The following PLCG2 variants were observed in gnomAD, a reference collection of about 807,000 sequenced individuals.
PLCG2 encodes the protein 1-phosphatidylinositol 4,5-bisphosphate phosphodiesterase gamma-2.
Under a neutral mutation model 175.6 loss-of-function variants are expected in PLCG2, and 69 were observed. The ratio of observed to expected loss-of-function variants is 0.39; its 90% CI spans 0.32 to 0.48. The LOEUF (loss-of-function observed/expected upper bound fraction) is 0.48. PLCG2 is among the 20% of genes least tolerant of loss of function. The pLI, the probability that PLCG2 is intolerant of heterozygous loss-of-function variation, is 0.91. For missense variants in PLCG2, 1,798 were observed against 1,650.9 expected (o/e 1.09, Z -1.54); for synonymous variants, 827 against 624.0 (o/e 1.33, Z -4.85).
chr16:81,849,533 C>T (rs1002656571), intron 2 of PLCG2, among the ~76,000 whole-genome samples: 8 of 152,182 alleles, frequency 5.3e-5, no homozygotes, highest in Admixed American at 6.5e-5. Flanking sequence ...CCGAGACAGG[C>T]GGATCACCTG....
In PLCG2 at chr16:81,960,012, C is replaced by T. The variant is rs895356003; in HGVS notation, c.*2014C>T. ...AGGAAGCAGAAGCTAAGCCTCTCTC[C>T]AGCTGCTGCTGTGTAAAATCCATGC... is the stretch of plus-strand genomic sequence containing the variant. On this transcript the variant is annotated 3_prime_UTR_variant, in exon 33 of 33. Coordinates refer to ENST00000564138, the MANE Select transcript of PLCG2 (RefSeq NM_002661.5). 2 of 214,836 alleles carry T rather than the reference C, an allele frequency of 9.3e-6. No individual in the cohort carries two copies. The highest frequency in any genetic ancestry group is 1.4e-3 in the Middle Eastern group (1 of 710). 13.3% of individuals were successfully genotyped at this position (214,836 alleles called of 1,614,324 possible).
intron 3 of PLCG2, among the ~76,000 whole-genome samples, chr16:81,856,718 G>A (rs1906704106): frequency 6.6e-6 from 1 of 152,184 alleles, no homozygotes; most frequent in Admixed American, 6.5e-5. Context: ...CTCCCACGAT[G>A]CCCATGTCCT....
At chr16:81,821,033 A>G (rs1904775306) in intron 2 of PLCG2, among the ~76,000 whole-genome samples, 1 of 152,054 alleles carries the variant, frequency 6.6e-6, no homozygotes, top group Non-Finnish European at 1.5e-5. Flanking sequence ...CTGGGATTAC[A>G]GGTGCACACC....
chr16:81,855,895 G>C (rs1475827092), intron 3 of PLCG2, among the ~76,000 whole-genome samples: 2 of 152,152 alleles, frequency 1.3e-5, no homozygotes, highest in Non-Finnish European at 2.9e-5. Context: ...GGGGGAGTTG[G>C]TAGAGATGGG....
rs1355223267 is a variant in PLCG2 at position 81,928,640 on chromosome 16, A to G, written c.2581+16A>G. 6.4e-7 allele frequency: 1 copy of G among 1,570,056 alleles called. No homozygotes were observed. Among genetic ancestry groups the G allele is most frequent in the Non-Finnish European group, 8.8e-7 (1 of 1,139,938 alleles). ...TATAACGTCGGTACGTGCACACATC[A>G]TCTTAGCCTGGATTTCCACCCCTAT... is the stretch of plus-strand genomic sequence containing the variant. On this transcript the variant is annotated intron_variant, in intron 24 of 32. Coordinates refer to ENST00000564138, the MANE Select transcript of PLCG2 (RefSeq NM_002661.5).
At chr16:81,865,839 G>T (rs535557819) in intron 5 of PLCG2, among the ~76,000 whole-genome samples, 5 of 133,996 alleles carry the variant, frequency 3.7e-5, no homozygotes, top group East Asian at 2.2e-4. Flanking sequence ...CCTCTCCCTT[G>T]CTCCCAGGGT....
intron 2 of PLCG2, among the ~76,000 whole-genome samples, chr16:81,813,235 G>C: frequency 6.6e-6 from 1 of 152,134 alleles, no homozygotes; most frequent in Non-Finnish European, 1.5e-5. Context: ...GATGGGAATA[G>C]CATTGAATCT....
In PLCG2 at chr16:81,824,360, C is replaced by G. The variant is rs1486627068; in HGVS notation, c.194-30084C>G. On this transcript the variant is annotated intron_variant, in intron 2 of 32. Coordinates refer to ENST00000564138, the MANE Select transcript of PLCG2 (RefSeq NM_002661.5). ...CGTTGGCCAGGCTGGTCTTGAACTC[C>G]TGATCTTAAGTAATCCACCCACCTC... Among the ~76,000 whole-genome samples, 3 of 152,162 alleles carry G rather than the reference C, an allele frequency of 2.0e-5. No individual in the cohort carries two copies. The East Asian group carries it at 5.8e-4, about 29-fold the overall frequency.
intron 22 of PLCG2, among the ~76,000 whole-genome samples, chr16:81,923,925 A>C (rs577614005): frequency 6.6e-6 from 1 of 152,322 alleles, no homozygotes; most frequent in African/African-American, 2.4e-5. Flanking sequence ...ATCTTCAACC[A>C]AATCTTCATT....
At chr16:81,742,872 C>T (rs1050208573) in intron 1 of PLCG2, among the ~76,000 whole-genome samples, 6 of 152,210 alleles carry the variant, frequency 3.9e-5, no homozygotes, top group Non-Finnish European at 5.9e-5. Context: ...ATTGGTCCCG[C>T]TCCTCTTGTT....
intron 1 of PLCG2, among the ~76,000 whole-genome samples, chr16:81,746,973 G>T (rs1909719589): frequency 6.6e-6 from 1 of 152,128 alleles, no homozygotes; most frequent in African/African-American, 2.4e-5. Context: ...AGGAAATCTT[G>T]TCACATAAAG....
chr16:81,881,981 C>T (rs1908103460), intron 8 of PLCG2, among the ~76,000 whole-genome samples: 1 of 152,266 alleles, frequency 6.6e-6, no homozygotes, highest in Non-Finnish European at 1.5e-5. Flanking sequence ...TTAATGAAAA[C>T]TTAGTGTTAG....
At chr16:81,798,190 A>G (rs536931613) in intron 2 of PLCG2, among the ~76,000 whole-genome samples, 2 of 152,282 alleles carry the variant, frequency 1.3e-5, no homozygotes, top group South Asian at 4.1e-4. Flanking sequence ...CCATCAGATC[A>G]CTGGGAGGAT....
chr16:81,946,172 C>T lies in PLCG2; in HGVS notation c.3482-3C>T, dbSNP rs74856898. The stretch of plus-strand genomic sequence containing the variant: ...TTGCATTTTCCTCCTTGTTCTGCTT[C>T]AGGATTCAGGTCCGTTCCTCTGAAG... On this transcript the variant is annotated splice_region_variant and splice_polypyrimidine_tract_variant and intron_variant, in intron 30 of 32. Transcript: ENST00000564138. 1.6e-3 allele frequency: 2,566 copies of T among 1,612,216 alleles called. 44 individuals carry two copies. In the African/African-American group the frequency reaches 0.029, roughly 18 times the overall value.
chr16:81,782,505 C>A (rs927188322), intron 1 of PLCG2, among the ~76,000 whole-genome samples: 4 of 152,104 alleles, frequency 2.6e-5, no homozygotes, highest in Non-Finnish European at 5.9e-5. Context: ...GTTGATAAAG[C>A]GTGGAACGCT....
chr16:81,866,167 G>A (rs1907224103), intron 5 of PLCG2, among the ~76,000 whole-genome samples: 6 of 104,738 alleles, frequency 5.7e-5, no homozygotes, highest in Non-Finnish European at 5.9e-5. Context: ...ATGAGAGGAC[G>A]CTGGCCTCTC....
At chr16:81,787,189 G>A (rs1482687038) in intron 2 of PLCG2, among the ~76,000 whole-genome samples, 1 of 151,602 alleles carries the variant, frequency 6.6e-6, no homozygotes, top group Non-Finnish European at 1.5e-5. Flanking sequence ...GTTATTATTC[G>A]AAGTGACTAT....
At chr16:81,749,006 G>C (rs1319272678) in intron 1 of PLCG2, among the ~76,000 whole-genome samples, 1 of 152,190 alleles carries the variant, frequency 6.6e-6, no homozygotes, top group African/African-American at 2.4e-5. Context: ...GAGAGCTCAG[G>C]GTGGAAGATG....
intron 2 of PLCG2, among the ~76,000 whole-genome samples, chr16:81,839,354 G>GA (rs937258439): frequency 2.3e-4 from 33 of 146,100 alleles, no homozygotes; most frequent in Admixed American, 4.8e-4. Context: ...CATGTGTGAG[G>GA]AAAAAAAAAA....
Sources: gnomAD v4.1 joint callset for allele counts (sites outside exome capture counted in the v4.1 genomes callset) on GRCh38, gnomAD v4.1.1 for gene constraint, MANE v1.5 for transcripts, NCBI Gene and HGNC (gene_info 2026-07-23, HGNC 2026-07-21) for gene names.